Variants in SGCZ observed in about 807,000 individuals in gnomAD.
SGCZ encodes the protein sarcoglycan zeta.
In SGCZ, 40 loss-of-function variants were observed where a neutral mutation model predicts 41.3. That is an observed-to-expected ratio of 0.97 (90% CI 0.75 to 1.26). The LOEUF is 1.26. SGCZ is among the 50% of genes most tolerant of loss of function. The probability of loss-of-function intolerance (pLI) is 0.00; values close to 1 mark genes in which losing one functional copy is unlikely to be tolerated. For missense variants in SGCZ, 552 were observed against 369.8 expected (o/e 1.49, Z -4.04); for synonymous variants, 206 against 137.5 (o/e 1.50, Z -3.49).
chr8:14,149,683 C>T (rs1156559017), intron 5 of SGCZ, among the ~76,000 whole-genome samples: 1 of 146,480 alleles, frequency 6.8e-6, no homozygotes, highest in East Asian at 2.0e-4. Flanking sequence ...CAATCCTAAA[C>T]TTTATATGAA....
intron 5 of SGCZ, among the ~76,000 whole-genome samples, chr8:14,146,090 G>A (rs1037694391): frequency 1.3e-5 from 2 of 151,976 alleles, no homozygotes; most frequent in African/African-American, 2.4e-5. Context: ...AGTACAAGAA[G>A]GTTATACAAC....
chr8:14,945,469 T>C (rs780743629), intron 1 of SGCZ, among the ~76,000 whole-genome samples: 5 of 152,216 alleles, frequency 3.3e-5, no homozygotes, highest in Non-Finnish European at 7.4e-5. Flanking sequence ...GAAGAGTTGG[T>C]CAAATTTTAA....
intron 1 of SGCZ, among the ~76,000 whole-genome samples, chr8:14,621,170 C>G (rs188407471): frequency 1.3e-5 from 2 of 151,462 alleles, no homozygotes; most frequent in Admixed American, 6.6e-5. Flanking sequence ...CCATCATTCT[C>G]AGCAAACTAT....
intron 2 of SGCZ, among the ~76,000 whole-genome samples, chr8:14,390,092 T>A (rs1029302437): frequency 4.6e-5 from 7 of 152,074 alleles, no homozygotes; most frequent in Admixed American, 1.3e-4. Flanking sequence ...AGACTATGAA[T>A]TTTATTGCCA....
At chr8:14,956,960 G>C (rs1004060141) in intron 1 of SGCZ, among the ~76,000 whole-genome samples, 3 of 151,738 alleles carry the variant, frequency 2.0e-5, no homozygotes, top group African/African-American at 7.3e-5. Context: ...TGTATATACA[G>C]ACAGAAACAC....
At chr8:14,199,691 A>T (rs1585224360) in intron 4 of SGCZ, among the ~76,000 whole-genome samples, 1 of 152,144 alleles carries the variant, frequency 6.6e-6, no homozygotes, top group African/African-American at 2.4e-5. Context: ...GACTGGCCAA[A>T]GCTTAGGGAA....
At chr8:14,221,465 C>G (rs771758044) in intron 4 of SGCZ, among the ~76,000 whole-genome samples, 18 of 152,172 alleles carry the variant, frequency 1.2e-4, no homozygotes, top group Non-Finnish European at 2.5e-4. Flanking sequence ...CCATAAATAT[C>G]TCTTAAGTCA....
chr8:14,484,830 TA>T (rs1189213953), intron 2 of SGCZ, among the ~76,000 whole-genome samples: 1 of 152,244 alleles, frequency 6.6e-6, no homozygotes, highest in East Asian at 1.9e-4. Context: ...CATTTAGCTC[TA>T]AGTTAAATGC....
At chr8:14,588,936 A>T (rs1805151806) in intron 1 of SGCZ, among the ~76,000 whole-genome samples, 1 of 152,194 alleles carries the variant, frequency 6.6e-6, no homozygotes. Flanking sequence ...AAATTTGTCA[A>T]ATATAATTCA....
chr8:14,443,105 G>A (rs1023307680), intron 2 of SGCZ, among the ~76,000 whole-genome samples: 1 of 152,072 alleles, frequency 6.6e-6, no homozygotes, highest in Non-Finnish European at 1.5e-5. Context: ...ACTTACAAGG[G>A]ACATGAAGGA....
intron 4 of SGCZ, among the ~76,000 whole-genome samples, chr8:14,199,535 A>G (rs1224704429): frequency 6.7e-6 from 1 of 149,502 alleles, no homozygotes; most frequent in Non-Finnish European, 1.5e-5. Flanking sequence ...CTATTTGTAC[A>G]CTCCCTCCCC....
intron 1 of SGCZ, among the ~76,000 whole-genome samples, chr8:15,101,702 A>C (rs1192559649): frequency 6.6e-6 from 1 of 152,170 alleles, no homozygotes; most frequent in African/African-American, 2.4e-5. Flanking sequence ...AGGATGAGGC[A>C]GGCAGATACT....
At chr8:15,150,262 C>G (rs1799141579) in intron 1 of SGCZ, among the ~76,000 whole-genome samples, 1 of 151,966 alleles carries the variant, frequency 6.6e-6, no homozygotes. Context: ...ATAATTTTTA[C>G]AAAGTTATTA....
At chr8:14,738,297 T>G (rs1799106930) in intron 1 of SGCZ, among the ~76,000 whole-genome samples, 1 of 152,114 alleles carries the variant, frequency 6.6e-6, no homozygotes, top group African/African-American at 2.4e-5. Context: ...ACAGCCTCAG[T>G]ATTTTTCTTT....
At chr8:14,763,200 G>A (rs1799943547) in intron 1 of SGCZ, among the ~76,000 whole-genome samples, 1 of 152,086 alleles carries the variant, frequency 6.6e-6, no homozygotes, top group African/African-American at 2.4e-5. Context: ...CAAGTTCTTA[G>A]GAAATCCCTG....
chr8:14,819,252 C>G (rs1325198762), intron 1 of SGCZ, among the ~76,000 whole-genome samples: 1 of 152,026 alleles, frequency 6.6e-6, no homozygotes, highest in Admixed American at 6.6e-5. Flanking sequence ...ATCTTGCAGG[C>G]TAGGAAAGAA....
intron 1 of SGCZ, among the ~76,000 whole-genome samples, chr8:14,972,501 G>A (rs1019552436): frequency 4.6e-5 from 7 of 152,118 alleles, no homozygotes; most frequent in Non-Finnish European, 7.4e-5. Context: ...ACCATTAAAT[G>A]TAATGTGACT....
At chr8:14,504,953 A>T (rs908359516) in intron 2 of SGCZ, among the ~76,000 whole-genome samples, 2 of 152,152 alleles carry the variant, frequency 1.3e-5, no homozygotes, top group African/African-American at 2.4e-5. Flanking sequence ...ATGGCTATTT[A>T]TAATGTCTGA....
At chr8:14,753,190 A>G (rs1799553289) in intron 1 of SGCZ, among the ~76,000 whole-genome samples, 1 of 152,034 alleles carries the variant, frequency 6.6e-6, no homozygotes, top group Admixed American at 6.6e-5. Flanking sequence ...CTTCCCCACC[A>G]TTATCTCTCT....
Sources: allele counts gnomAD v4.1 joint callset (sites outside exome capture counted in the v4.1 genomes callset), GRCh38; gene constraint gnomAD v4.1.1; transcripts MANE v1.5; gene names NCBI Gene and HGNC (gene_info 2026-07-23, HGNC 2026-07-21).